The following ZNF706 variants were observed in gnomAD, a reference collection of about 807,000 sequenced individuals.
ZNF706 encodes zinc finger protein 706.
A neutral mutation model predicts 9.2 loss-of-function variants in ZNF706; 4 were observed. The ratio of observed to expected loss-of-function variants is 0.43; its 90% CI spans 0.21 to 0.99. ZNF706 has a LOEUF of 0.99. ZNF706 is among the 50% of genes least tolerant of loss of function. The pLI is 0.26. For synonymous variants in ZNF706, 28 were observed against 27.3 expected, an observed-to-expected ratio of 1.03 and a Z score of -0.08; for missense variants, 27 against 87.8, an observed-to-expected ratio of 0.31 and a Z score of 2.77.
In ZNF706 at chr8:101,200,117, AAG is replaced by A. The variant is rs1258161764; in HGVS notation, c.136-22_136-21del. ...TTGTGTCTAACAAAAAATTGTGCAA[AAG>A]AGAGCTAGACTTTATTTATAAAATA... is the stretch of plus-strand genomic sequence containing the variant. On this transcript the variant is annotated intron_variant, in intron 2 of 3. Transcript: ENST00000311212. 26 of 1,580,000 alleles carry A rather than the reference AAG, an allele frequency of 1.6e-5. No homozygotes were observed. Among genetic ancestry groups the A allele is most frequent in the Non-Finnish European group, 1.9e-5 (22 of 1,150,226 alleles).
At chr8:101,200,926 G>A in intron 2 of ZNF706, 1 of 215,634 alleles carries the variant, frequency 4.6e-6, no homozygotes, top group Non-Finnish European at 1.0e-5. Flanking sequence ...AACTGCCTGA[G>A]TTCAGATTCC....
At position 101,199,017 on chromosome 8, in the gene ZNF706, T is replaced by C; in HGVS notation, c.*235A>G. ...CAATATAATTACAATTGTAAAAAAA[T>C]TTTTTATAACAAGGATGGACTGATT... On this transcript the variant is annotated 3_prime_UTR_variant, in exon 4 of 4. Transcript: ENST00000311212. 1 of 421,630 alleles carries C rather than the reference T, an allele frequency of 2.4e-6. No homozygotes were observed. Among genetic ancestry groups the C allele is most frequent in the Non-Finnish European group, 4.2e-6 (1 of 237,544 alleles). 26.1% of individuals were successfully genotyped at this position (421,630 alleles called of 1,614,324 possible). A position where few individuals can be genotyped will look rare whatever the true frequency, so the allele number is the denominator to read the frequency against.
Position 101,204,445 on chromosome 8 carries a change from T to C in ZNF706, c.-3+990A>G, listed in dbSNP as rs1416090185. ...AATAAAATAAGCTAAATGCATGAGG[T>C]AGGCCCCTAACTTCTGACAACACGC... On this transcript the variant is annotated intron_variant, in intron 1 of 3. Transcript: ENST00000311212. 1.8e-5 allele frequency: 3 copies of C among 168,460 alleles called. No individual in the cohort carries two copies. The Admixed American group carries it at 2.0e-4, about 11-fold the overall frequency. The allele number at this position is 168,460 out of a possible 1,614,324, so 10.4% of individuals were successfully genotyped here. A position where few individuals can be genotyped will look rare whatever the true frequency, so the allele number is the denominator to read the frequency against.
At position 101,199,244 on chromosome 8, in the gene ZNF706, A is replaced by G. The variant is rs1380663965; in HGVS notation, c.*13-5T>C. 4.3e-6 allele frequency: 3 copies of G among 701,784 alleles called. No homozygotes were observed. Among genetic ancestry groups the G allele is most frequent in the African/African-American group, 1.7e-5 (1 of 57,232 alleles). The allele number at this position is 701,784 out of a possible 1,614,324, so 43.5% of individuals were successfully genotyped here. A position where few individuals can be genotyped will look rare whatever the true frequency, so the allele number is the denominator to read the frequency against. On this transcript the variant is annotated splice_region_variant and splice_polypyrimidine_tract_variant and intron_variant, in intron 3 of 3. Coordinates refer to ENST00000311212, the MANE Select transcript of ZNF706 (RefSeq NM_016096.5). Reference sequence around the variant, plus strand: ...TCAAAGGTGTCATGAATTCACCTATAAAACATAAGCAAAATTTTCAATGAA... The same window carrying G: ...TCAAAGGTGTCATGAATTCACCTATGAAACATAAGCAAAATTTTCAATGAA...
At position 101,199,264 on chromosome 8, in the gene ZNF706, A is replaced by G. The variant is rs1018885792; in HGVS notation, c.*13-25T>C. The G allele has an allele frequency of 5.7e-6, 4 of 701,222 alleles. No homozygotes were observed. In the African/African-American group the frequency reaches 7.0e-5, roughly 12 times the overall value. The allele number at this position is 701,222 out of a possible 1,614,324, so 43.4% of individuals were successfully genotyped here. ...CCTATAAAACATAAGCAAAATTTTCAATGAATGTTACCATTGCACAAATGC... is the reference window on the plus strand; with the variant it reads ...CCTATAAAACATAAGCAAAATTTTCGATGAATGTTACCATTGCACAAATGC... On this transcript the variant is annotated intron_variant, in intron 3 of 3. Coordinates refer to ENST00000311212, the MANE Select transcript of ZNF706 (RefSeq NM_016096.5).
chr8:101,204,216 C>A (rs1173905330), intron 1 of ZNF706: 2 of 152,220 alleles, frequency 1.3e-5, no homozygotes, highest in African/African-American at 4.8e-5. Context: ...GTGACTCGTA[C>A]AAAGCAATGT....
chr8:101,200,964 C>A, intron 2 of ZNF706: 1 of 255,710 alleles, frequency 3.9e-6, no homozygotes, highest in Non-Finnish European at 8.1e-6. Flanking sequence ...GCTGGGAGAC[C>A]CCACACAAAT....
chr8:101,203,308 T>C (rs1810632048), intron 1 of ZNF706: 1 of 152,174 alleles, frequency 6.6e-6, no homozygotes, highest in Admixed American at 6.5e-5. Flanking sequence ...TATATCAAAA[T>C]TGGATCCTAA....
rs1810549919 is a variant in ZNF706 at position 101,201,388 on chromosome 8, ACT to A, written c.135+217_135+218del. ...TGAGGAAAGCAATTTTGTTTTGTTC[ACT>A]CTGTTTTCCCAGCACCTAGAGATTT... On this transcript the variant is annotated intron_variant, in intron 2 of 3. Coordinates refer to ENST00000311212, the MANE Select transcript of ZNF706 (RefSeq NM_016096.5). The surrounding 1 kb of genome is among the most constrained non-coding windows in gnomAD (Gnocchi z 4.5). 3.8e-6 allele frequency: 2 copies of A among 521,734 alleles called. No individual in the cohort carries two copies. Among genetic ancestry groups the A allele is most frequent in the Non-Finnish European group, 6.7e-6 (2 of 298,324 alleles). The allele number at this position is 521,734 out of a possible 1,614,324, so 32.3% of individuals were successfully genotyped here. A position where few individuals can be genotyped will look rare whatever the true frequency, so the allele number is the denominator to read the frequency against.
At chr8:101,204,027 T>C (rs1413125701) in intron 1 of ZNF706, 1 of 152,220 alleles carries the variant, frequency 6.6e-6, no homozygotes, top group African/African-American at 2.4e-5. Context: ...TGTAACAAAA[T>C]AGCCAGTCTT....
upstream of ZNF706, chr8:101,206,011 C>T (rs1355108340): frequency 6.6e-6 from 1 of 152,306 alleles, no homozygotes; most frequent in Non-Finnish European, 1.5e-5. Context: ...CTCATCCACT[C>T]GGGCGGCGGC....
chr8:101,201,542 T>C lies in ZNF706; in HGVS notation c.135+65A>G. On this transcript the variant is annotated intron_variant, in intron 2 of 3. Coordinates refer to ENST00000311212, the MANE Select transcript of ZNF706 (RefSeq NM_016096.5). The surrounding 1 kb of genome is among the most constrained non-coding windows in gnomAD (Gnocchi z 4.5). ...CATCTATTTTGCCATGGTTTCAAAA[T>C]TTTAATCTATTCAAGCCAAAACTGC... The C allele has an allele frequency of 6.8e-7, 1 of 1,477,594 alleles. No individual in the cohort carries two copies. Among genetic ancestry groups the C allele is most frequent in the African/African-American group, 1.4e-5 (1 of 70,374 alleles). 91.5% of individuals were successfully genotyped at this position (1,477,594 alleles called of 1,614,324 possible). A position where few individuals can be genotyped will look rare whatever the true frequency, so the allele number is the denominator to read the frequency against.
chr8:101,205,022 C>CGAGGCGGGAGAGG lies in ZNF706; in HGVS notation c.-3+412_-3+413insCCTCTCCCGCCTC. On this transcript the variant is annotated intron_variant, in intron 1 of 3. Coordinates refer to ENST00000311212, the MANE Select transcript of ZNF706 (RefSeq NM_016096.5). The surrounding 1 kb of genome is among the most constrained non-coding windows in gnomAD (Gnocchi z 6.6). ...ACCTTCCTTCCCAAACCCGCCTCTC[C>CGAGGCGGGAGAGG]CGCCTCGGAGACCCCCTCCTCCTCC... 2 of 883,802 alleles carry CGAGGCGGGAGAGG rather than the reference C, an allele frequency of 2.3e-6. No homozygotes were observed. Among genetic ancestry groups the CGAGGCGGGAGAGG allele is most frequent in the Non-Finnish European group, 2.7e-6 (2 of 737,204 alleles). 54.7% of individuals were successfully genotyped at this position (883,802 alleles called of 1,614,324 possible).
intron 1 of ZNF706, chr8:101,203,339 G>C (rs147622218): frequency 1.3e-5 from 2 of 152,026 alleles, no homozygotes; most frequent in African/African-American, 4.8e-5. Context: ...TATATATATA[G>C]TTTTGACTAG....
intron 1 of ZNF706, chr8:101,204,615 A>G: frequency 1.0e-6 from 1 of 985,426 alleles, no homozygotes; most frequent in Non-Finnish European, 1.2e-6. Context: ...TAAATGCGAC[A>G]AACTGGAGGG....
Position 101,205,022 on chromosome 8 carries a change from C to A in ZNF706, c.-3+413G>T. The A allele has an allele frequency of 1.1e-6, 1 of 883,810 alleles. No individual in the cohort carries two copies. 54.7% of individuals were successfully genotyped at this position (883,810 alleles called of 1,614,324 possible). A position where few individuals can be genotyped will look rare whatever the true frequency, so the allele number is the denominator to read the frequency against. On this transcript the variant is annotated intron_variant, in intron 1 of 3. Coordinates refer to ENST00000311212, the MANE Select transcript of ZNF706 (RefSeq NM_016096.5). This position sits in a 1 kb window ranked among gnomAD's most constrained non-coding sequence, Gnocchi z 6.6. ...ACCTTCCTTCCCAAACCCGCCTCTC[C>A]CGCCTCGGAGACCCCCTCCTCCTCC...
In ZNF706 at chr8:101,199,970, T is replaced by C. The variant is rs201738479; in HGVS notation, c.*12+20A>G. On this transcript the variant is annotated intron_variant, in intron 3 of 3. Coordinates refer to ENST00000311212, the MANE Select transcript of ZNF706 (RefSeq NM_016096.5). ...TACAACCCTGTTATTAACAAACCAA[T>C]AGAAAAAGAGGTGAGTTACCTGTAA... The C allele has an allele frequency of 1.6e-4, 246 of 1,549,162 alleles. No individual in the cohort carries two copies. The highest frequency in any genetic ancestry group is 1.3e-3 in the African/African-American group (98 of 73,634).
At chr8:101,202,494 C>T (rs1810597859) in intron 1 of ZNF706, 2 of 151,932 alleles carry the variant, frequency 1.3e-5, no homozygotes, top group South Asian at 4.2e-4. Flanking sequence ...AAAATTGTTA[C>T]AAGTAACAAC....
intron 1 of ZNF706, chr8:101,204,589 A>G (rs1810683169): frequency 1.0e-6 from 1 of 982,654 alleles, no homozygotes; most frequent in African/African-American, 1.7e-5. Context: ...GTAGGCAGCT[A>G]CAACCGCTCC....
Sources: gnomAD v4.1 joint callset for allele counts on GRCh38, gnomAD v4.1.1 for gene constraint, Gnocchi (gnomAD v3.1) non-coding constraint, MANE v1.5 for transcripts, NCBI Gene and HGNC (gene_info 2026-07-23, HGNC 2026-07-21) for gene names.